Variants in ZNF229 observed in about 807,000 individuals in gnomAD.
ZNF229 encodes zinc finger protein 229.
In ZNF229, 10 loss-of-function variants were observed where a neutral mutation model predicts 11.8. That is an observed-to-expected ratio of 0.85 (90% CI 0.52 to 1.44). The LOEUF (loss-of-function observed/expected upper bound fraction) is 1.44, where lower values mean the gene tolerates loss of function less well. Ranked by LOEUF, ZNF229 falls within the 40% of genes most tolerant of loss-of-function variation. ZNF229 has a pLI of 0.00. For missense variants in ZNF229, 1,045 were observed against 1,015.1 expected (o/e 1.03, Z -0.40); for synonymous variants, 368 against 374.8 (o/e 0.98, Z 0.21).
chr19:44,430,515 T>C lies in ZNF229; in HGVS notation c.266A>G (p.Tyr89Cys), dbSNP rs368327297. The C allele has an allele frequency of 1.2e-6, 2 of 1,613,878 alleles. No homozygotes were observed. The highest frequency in any genetic ancestry group is 1.3e-5 in the African/African-American group (1 of 74,874). The change falls in exon 6 of 6, where the codon TAT becomes TGT. Residue 89 changes from tyrosine (Y) to cysteine (C), a missense_variant. Coordinates refer to ENST00000614049, the MANE Select transcript of ZNF229 (RefSeq NM_014518.4). ...GAACCTTAATTCTTCATCTTGAATATACTCCGTATCCTTTCCATTCTTGTC... is the reference window on the plus strand; with the variant it reads ...GAACCTTAATTCTTCATCTTGAATACACTCCGTATCCTTTCCATTCTTGTC... ...LGDKNGKDTE[Y>C]IQDEELRFFS...
chr19:44,430,511 A>G lies in ZNF229; in HGVS notation c.270T>C (p.Ile90=). 6.2e-7 allele frequency: 1 copy of G among 1,614,054 alleles called. No individual in the cohort carries two copies. Among genetic ancestry groups the G allele is most frequent in the Non-Finnish European group, 8.5e-7 (1 of 1,180,008 alleles). Reference sequence around the variant, plus strand: ...AAAAGAACCTTAATTCTTCATCTTGAATATACTCCGTATCCTTTCCATTCT... The same window carrying G: ...AAAAGAACCTTAATTCTTCATCTTGGATATACTCCGTATCCTTTCCATTCT... ...GDKNGKDTEY[I]QDEELRFFSH... is the part of the protein sequence containing the mutation. The change falls in exon 6 of 6, where the codon ATT becomes ATC. Residue 90 remains isoleucine, a synonymous_variant. Transcript: ENST00000614049.
intron 4 of ZNF229, 117 bp from the exon 5 acceptor site, chr19:44,432,483 T>C: frequency 7.0e-7 from 1 of 1,424,866 alleles, no homozygotes; most frequent in Non-Finnish European, 9.3e-7. Context: ...ATGTGGCACA[T>C]ATACACCATG....
intron 4 of ZNF229, among the ~76,000 whole-genome samples, chr19:44,435,788 CAG>C (rs933911155): frequency 3.3e-5 from 5 of 152,150 alleles, no homozygotes; most frequent in Non-Finnish European, 7.4e-5. Context: ...TGAGGGAAAA[CAG>C]AGGAGAGAAA....
chr19:44,436,234 G>A (rs1448554960), intron 4 of ZNF229, among the ~76,000 whole-genome samples: 2 of 152,120 alleles, frequency 1.3e-5, no homozygotes, highest in African/African-American at 4.8e-5. Context: ...GTAGTGGCAT[G>A]TGGTAGTGTG....
At chr19:44,441,635 G>C (rs1446535122) in intron 4 of ZNF229, among the ~76,000 whole-genome samples, 1 of 152,044 alleles carries the variant, frequency 6.6e-6, no homozygotes, top group Non-Finnish European at 1.5e-5. Context: ...TTCAATAGAT[G>C]AACATGGAAT....
chr19:44,442,565 G>A lies in ZNF229; in HGVS notation c.91C>T (p.Gln31Ter), dbSNP rs61739520. The A allele has an allele frequency of 2.8e-4, 456 of 1,614,086 alleles. 1 individual carries two copies. In the African/African-American group the frequency reaches 3.3e-3, roughly 12 times the overall value. Residue 31 changes from glutamine (Q) to a stop codon, truncating the protein, a stop_gained and splice_region_variant, in exon 4 of 6, where the codon CAG (glutamine) becomes TAG (stop). Coordinates refer to ENST00000614049, the MANE Select transcript of ZNF229 (RefSeq NM_014518.4). LOFTEE classifies it high-confidence loss of function. ...GGAGAGAAAAGAAAACAACCCACCT[G>A]AGACATGATCTTCTCCTCCCTATCT... ...SQDREEKIMSQEPLSFKDVAV... is the reference protein window; with the variant it reads ...SQDREEKIMS
rs1392408291 is a variant in ZNF229 at position 44,430,305 on chromosome 19, C to T, written c.476G>A (p.Ser159Asn). 6 of 1,614,034 alleles carry T rather than the reference C, an allele frequency of 3.7e-6. No individual in the cohort carries two copies. The highest frequency in any genetic ancestry group is 5.1e-6 in the Non-Finnish European group (6 of 1,180,054). ...PCFPIENFLD[S>N]LQGDGLIGLE... Reference sequence around the variant, plus strand: ...ACCGATAAGCCCATCCCCTTGTAGACTGTCCAGGAAATTCTCAATTGGAAA... The same window carrying T: ...ACCGATAAGCCCATCCCCTTGTAGATTGTCCAGGAAATTCTCAATTGGAAA... Residue 159 changes from serine (S) to asparagine (N), a missense_variant, in exon 6 of 6, where the codon AGT becomes AAT. Ser to Asn is a conservative substitution (Grantham distance 46). Coordinates refer to ENST00000614049, the MANE Select transcript of ZNF229 (RefSeq NM_014518.4).
intron 4 of ZNF229, among the ~76,000 whole-genome samples, chr19:44,436,091 T>C (rs566572632): frequency 1.3e-5 from 2 of 152,258 alleles, no homozygotes; most frequent in Non-Finnish European, 2.9e-5. Context: ...GGAGACCACA[T>C]TGGAGGCCAC....
chr19:44,428,831 GT>G lies in ZNF229; in HGVS notation c.1949del (p.His650ProfsTer170). 1 of 1,613,826 alleles carries G rather than the reference GT, an allele frequency of 6.2e-7. No homozygotes were observed. Among genetic ancestry groups the G allele is most frequent in the Non-Finnish European group, 8.5e-7 (1 of 1,179,958 alleles). ...SSGLLIHQRVHTGEKPYRCQE... is the reference protein window; with the variant it reads ...SSGLLIHQRVXTGEKPYRCQE... Reference sequence around the variant, plus strand: ...GGCATCTGTAAGGTTTCTCGCCTGTGTGGACTCTCTGGTGAATGAGAAGCCC... The same window carrying G: ...GGCATCTGTAAGGTTTCTCGCCTGTGGGACTCTCTGGTGAATGAGAAGCCC... On this transcript the variant is annotated frameshift_variant, in exon 6 of 6. Transcript: ENST00000614049. LOFTEE classifies it low-confidence loss of function (END_TRUNC).
At chr19:44,432,767 C>G (rs1845314292) in intron 4 of ZNF229, among the ~76,000 whole-genome samples, 1 of 151,746 alleles carries the variant, frequency 6.6e-6, no homozygotes, top group South Asian at 2.1e-4. Flanking sequence ...GTGCAGCACA[C>G]CAACACGGCA....
intron 5 of ZNF229, 68 bp downstream of exon 5, chr19:44,432,154 G>A (rs1199401442): frequency 3.9e-6 from 6 of 1,541,728 alleles, no homozygotes; most frequent in South Asian, 1.3e-5. Flanking sequence ...GATTTAACCT[G>A]TGTAAAAAAG....
intron 4 of ZNF229, among the ~76,000 whole-genome samples, chr19:44,433,172 C>G (rs973568094): frequency 2.6e-5 from 4 of 152,118 alleles, no homozygotes; most frequent in South Asian, 2.1e-4. Flanking sequence ...CCATGCCTCA[C>G]TCAACCTCCC....
rs774800265 is a variant in ZNF229, at chr19:44,430,177, T to C, written c.604A>G (p.Arg202Gly). ...FVNQLGDVQE[R>G]CKNLDTEDTV... is the part of the protein sequence containing the mutation. ...TCTTCTGTGTCGAGATTTTTACATC[T>C]TTCTTGAACATCCCCTAACTGGTTC... The change falls in exon 6 of 6, where the codon AGA becomes GGA. Residue 202 changes from arginine to glycine, a missense_variant. Arg to Gly is a moderately radical substitution (Grantham distance 125). Transcript: ENST00000614049. 3 of 1,614,152 alleles carry C rather than the reference T, an allele frequency of 1.9e-6. No individual in the cohort carries two copies. The highest frequency in any genetic ancestry group is 2.5e-6 in the Non-Finnish European group (3 of 1,180,030).
At position 44,428,321 on chromosome 19, in the gene ZNF229, G is replaced by A. The variant is rs370332532; in HGVS notation, c.2460C>T (p.Gly820=). 71 of 1,611,462 alleles carry A rather than the reference G, an allele frequency of 4.4e-5. No homozygotes were observed. Among genetic ancestry groups the A allele is most frequent in the South Asian group, 4.2e-4 (38 of 90,908 alleles). The change falls in exon 6 of 6, where the codon GGC becomes GGT. Residue 820 remains glycine (G), a synonymous_variant. Coordinates refer to ENST00000614049, the MANE Select transcript of ZNF229 (RefSeq NM_014518.4). The part of the protein sequence containing the change: ...GLRNHQRVHL[G]ENPYK ...TGTACATCTACTTATAAGGGTTCTCGCCTAAATGCACTCTTTGGTGGTTCC... is the reference window on the plus strand; with the variant it reads ...TGTACATCTACTTATAAGGGTTCTCACCTAAATGCACTCTTTGGTGGTTCC...
chr19:44,436,697 G>A (rs204553), intron 4 of ZNF229, among the ~76,000 whole-genome samples: 115,848 of 151,630 alleles, frequency 0.76, 45,044 homozygotes, highest in East Asian at 1. Context: ...TGAGCCTGGG[G>A]GGTCAATGCT....
chr19:44,442,829 T>C lies in ZNF229; in HGVS notation c.19A>G (p.Arg7Gly). Residue 7 changes from arginine (R) to glycine (G), a missense_variant, in exon 3 of 6, where the codon AGG becomes GGG. Transcript: ENST00000614049. METLTSRHEKRALHSQA... is the reference protein window; with the variant it reads METLTSGHEKRALHSQA... ...TAGCTGTCACCTCTTTTCTCATGCC[T>C]TGAGGTCAAAGTCTCCATGGTCTCT... 6.4e-7 allele frequency: 1 copy of C among 1,558,988 alleles called. No homozygotes were observed. The highest frequency in any genetic ancestry group is 1.4e-5 in the African/African-American group (1 of 71,578).
At chr19:44,431,778 T>C (rs759836913) in intron 5 of ZNF229, 224 of 988,520 alleles carry the variant, frequency 2.3e-4, no homozygotes, top group Non-Finnish European at 2.6e-4. Flanking sequence ...TGGAGATGCA[T>C]TTCTTGGAGT....
chr19:44,439,912 A>G (rs1971878489), intron 4 of ZNF229, among the ~76,000 whole-genome samples: 1 of 152,208 alleles, frequency 6.6e-6, no homozygotes, highest in Non-Finnish European at 1.5e-5. Flanking sequence ...TCTTTATTTT[A>G]AAAGTTATAA....
At chr19:44,440,735 T>G (rs976705759) in intron 4 of ZNF229, among the ~76,000 whole-genome samples, 1 of 152,044 alleles carries the variant, frequency 6.6e-6, no homozygotes, top group African/African-American at 2.4e-5. Flanking sequence ...TTCTTTTTTT[T>G]TTTTTTGAGA....
Sources: allele counts gnomAD v4.1 joint callset (sites outside exome capture counted in the v4.1 genomes callset), GRCh38; gene constraint gnomAD v4.1.1; transcripts MANE v1.5; gene names NCBI Gene and HGNC (gene_info 2026-07-23, HGNC 2026-07-21).